The following CLMP variants were observed in gnomAD, a reference collection of about 807,000 sequenced individuals.
CLMP encodes CXADR-like membrane protein.
CLMP carries 27 observed loss-of-function variants against 45.2 expected under a neutral mutation model. The observed-to-expected ratio is 0.60, with a 90% confidence interval of 0.44 to 0.82. The LOEUF is 0.82. Ranked by LOEUF, CLMP falls within the 40% of genes least tolerant of loss-of-function variation. CLMP has a pLI of 0.00. For synonymous variants in CLMP, 167 were observed against 171.4 expected (o/e 0.97, Z 0.20); for missense variants, 403 against 448.4 (o/e 0.90, Z 0.91).
At position 123,083,172 on chromosome 11, in the gene CLMP, G is replaced by A. The variant is rs776496236; in HGVS notation, c.592C>T (p.Leu198Phe). The change falls in exon 5 of 7, where the codon CTT (leucine) becomes TTT (phenylalanine). Residue 198 changes from leucine (L) to phenylalanine (F), a missense_variant. Transcript: ENST00000448775. Reference protein sequence around the residue: ...NHPGRVLLQNLTMSYSGLYQC... With the variant: ...NHPGRVLLQNFTMSYSGLYQC... ...TACAGTCCAGAGTAGGACATGGTAA[G>A]ATTCTGCAGCAGAACTCGTCCAGGG... is the stretch of plus-strand genomic sequence containing the variant. The A allele has an allele frequency of 6.2e-7, 1 of 1,614,140 alleles. No homozygotes were observed. The highest frequency in any genetic ancestry group is 1.7e-5 in the Admixed American group (1 of 60,018).
chr11:123,084,697 C>A lies in CLMP; in HGVS notation c.203G>T (p.Ser68Ile). 1 of 1,614,156 alleles carries A rather than the reference C, an allele frequency of 6.2e-7. No individual in the cohort carries two copies. The highest frequency in any genetic ancestry group is 8.5e-7 in the Non-Finnish European group (1 of 1,180,024). ...AGTCAAGTTATTGTAGACATGACGACTGGAGTAAGTGATCACCTGTGGGAT... is the reference window on the plus strand; with the variant it reads ...AGTCAAGTTATTGTAGACATGACGAATGGAGTAAGTGATCACCTGTGGGAT... ...GNQKVVITYS[S>I]RHVYNNLTEE... Residue 68 changes from serine (S) to isoleucine (I), a missense_variant, in exon 3 of 7, where the codon AGT becomes ATT. By Grantham distance (142) the Ser-to-Ile change is moderately radical. Transcript: ENST00000448775.
intron 1 of CLMP, among the ~76,000 whole-genome samples, chr11:123,131,660 G>T (rs2135509068): frequency 6.6e-6 from 1 of 150,888 alleles, no homozygotes; most frequent in East Asian, 1.9e-4. Context: ...TTGTTGCCCA[G>T]GCTGGAGTGC....
chr11:123,080,972 G>C (rs1004431785), intron 5 of CLMP, among the ~76,000 whole-genome samples: 1 of 151,926 alleles, frequency 6.6e-6, no homozygotes, highest in Non-Finnish European at 1.5e-5. Context: ...GTGAAACCCC[G>C]TCTCTACTAC....
intron 1 of CLMP, among the ~76,000 whole-genome samples, chr11:123,127,989 A>T (rs1436094573): frequency 6.7e-6 from 1 of 148,596 alleles, no homozygotes; most frequent in Non-Finnish European, 1.5e-5. Context: ...GTAAGCCAAG[A>T]TCGCACCATT....
intron 1 of CLMP, among the ~76,000 whole-genome samples, chr11:123,130,849 T>TC (rs2135508459): frequency 6.7e-6 from 1 of 148,932 alleles, no homozygotes; most frequent in East Asian, 1.9e-4. Context: ...TCCTTTTTTT[T>TC]TTTTTTTTTT....
chr11:123,172,854 G>T (rs1861655576), intron 1 of CLMP, among the ~76,000 whole-genome samples: 1 of 152,132 alleles, frequency 6.6e-6, no homozygotes, highest in Admixed American at 6.5e-5. Flanking sequence ...GAATTATTGG[G>T]CCAAGGCTAT....
chr11:123,137,798 C>T (rs1861100122), intron 1 of CLMP, among the ~76,000 whole-genome samples: 1 of 152,140 alleles, frequency 6.6e-6, no homozygotes, highest in Non-Finnish European at 1.5e-5. Flanking sequence ...AGGCGCCAGG[C>T]TCGGTGATTG....
At chr11:123,136,468 C>T (rs117113806) in intron 1 of CLMP, 21,762 of 373,522 alleles carry the variant, frequency 0.058, 748 homozygotes, top group Middle Eastern at 0.09. Context: ...CTCTCCCTGG[C>T]GCTTTAAGGG....
intron 1 of CLMP, among the ~76,000 whole-genome samples, chr11:123,146,107 G>C (rs763057840): frequency 1.8e-4 from 28 of 152,208 alleles, no homozygotes; most frequent in Non-Finnish European, 7.3e-5. Context: ...GAAAGATCAA[G>C]TAACTTGCAT....
intron 1 of CLMP, among the ~76,000 whole-genome samples, chr11:123,100,226 C>T (rs1348070552): frequency 1.3e-5 from 2 of 151,902 alleles, no homozygotes; most frequent in African/African-American, 4.8e-5. Context: ...ACTAAAAATA[C>T]AACATTTAGC....
intron 2 of CLMP, among the ~76,000 whole-genome samples, chr11:123,092,802 AT>A (rs1344411922): frequency 6.8e-6 from 1 of 147,944 alleles, no homozygotes; most frequent in Non-Finnish European, 1.5e-5. Context: ...GTTTCACCAT[AT>A]TGGTCAAGCT....
At chr11:123,159,932 A>G (rs1029073584) in intron 1 of CLMP, among the ~76,000 whole-genome samples, 1 of 152,176 alleles carries the variant, frequency 6.6e-6, no homozygotes, top group Non-Finnish European at 1.5e-5. Context: ...TTTTGTAACA[A>G]GCTGTTAAAT....
intron 1 of CLMP, among the ~76,000 whole-genome samples, chr11:123,140,045 C>T (rs925411609): frequency 1.3e-5 from 2 of 152,032 alleles, no homozygotes; most frequent in Non-Finnish European, 2.9e-5. Flanking sequence ...GTTGTTTAGA[C>T]GTGTGAAGTA....
chr11:123,164,555 C>T (rs994635144), intron 1 of CLMP, among the ~76,000 whole-genome samples: 8 of 151,324 alleles, frequency 5.3e-5, no homozygotes, highest in Non-Finnish European at 7.4e-5. Context: ...TGACCCATCT[C>T]GGCCTCCCAA....
chr11:123,131,555 G>C lies in CLMP; in HGVS notation c.29-33603C>G, dbSNP rs575023357. ...AGTGTGGAGGATGGTTACTTGAGTGGGTTTGGGTCACATTGGAGTCCTGAT... is the reference window on the plus strand; with the variant it reads ...AGTGTGGAGGATGGTTACTTGAGTGCGTTTGGGTCACATTGGAGTCCTGAT... On this transcript the variant is annotated intron_variant, in intron 1 of 6. Coordinates refer to ENST00000448775, the MANE Select transcript of CLMP (RefSeq NM_024769.5). 3.4e-4 allele frequency among the ~76,000 whole-genome samples: 51 copies of C among 152,130 alleles called. No individual in the cohort carries two copies. The South Asian group carries it at 0.01, about 31-fold the overall frequency.
chr11:123,098,725 G>A (rs1023362451), intron 1 of CLMP, among the ~76,000 whole-genome samples: 3 of 68,598 alleles, frequency 4.4e-5, no homozygotes, highest in Non-Finnish European at 8.5e-5. Flanking sequence ...TTTTTTTTTT[G>A]AGATAGAGTC....
At chr11:123,119,233 G>A (rs777975766) in intron 1 of CLMP, among the ~76,000 whole-genome samples, 67 of 151,742 alleles carry the variant, frequency 4.4e-4, no homozygotes, top group African/African-American at 1.1e-3. Context: ...ACAGGCACGC[G>A]CCACCACACC....
rs576713608 is a variant in CLMP at position 123,071,731 on chromosome 11, A to G, written c.*1743T>C. 1 of 152,430 alleles carries G rather than the reference A, an allele frequency of 6.6e-6. No homozygotes were observed. Among genetic ancestry groups the G allele is most frequent in the Non-Finnish European group, 1.5e-5 (1 of 68,206 alleles). The allele number at this position is 152,430 out of a possible 1,614,324, so 9.4% of individuals were successfully genotyped here. A position where few individuals can be genotyped will look rare whatever the true frequency, so the allele number is the denominator to read the frequency against. ...AGAGCGAGACTTCGTCTCAAAAAAA[A>G]AAAAGTTTTCTACTCTCCCAGAGGT... On this transcript the variant is annotated 3_prime_UTR_variant, in exon 7 of 7. Transcript: ENST00000448775.
chr11:123,140,261 G>A (rs1333249440), intron 1 of CLMP, among the ~76,000 whole-genome samples: 1 of 152,174 alleles, frequency 6.6e-6, no homozygotes, highest in Non-Finnish European at 1.5e-5. Context: ...TTACTAGTAG[G>A]AGGAGGAGAA....
Sources: gnomAD v4.1 joint callset for allele counts (sites outside exome capture counted in the v4.1 genomes callset) on GRCh38, gnomAD v4.1.1 for gene constraint, MANE v1.5 for transcripts, NCBI Gene and HGNC (gene_info 2026-07-23, HGNC 2026-07-21) for gene names.